Variants in GRK5 observed in about 807,000 individuals in gnomAD.
The protein encoded by GRK5 is G protein-coupled receptor kinase 5, also known as g protein-coupled receptor kinase GRK5.
GRK5 carries 40 observed loss-of-function variants against 78.4 expected under a neutral mutation model. That is an observed-to-expected ratio of 0.51 (90% CI 0.40 to 0.66). The LOEUF is 0.66. GRK5 is among the 30% of genes least tolerant of loss of function. GRK5 has a pLI of 0.00. For missense variants in GRK5, 598 were observed against 759.9 expected, an observed-to-expected ratio of 0.79 and a Z score of 2.50; for synonymous variants, 289 against 296.8, an observed-to-expected ratio of 0.97 and a Z score of 0.27.
chr10:119,274,076 A>C (rs1052125369), intron 1 of GRK5, among the ~76,000 whole-genome samples: 2 of 152,112 alleles, frequency 1.3e-5, no homozygotes, highest in Non-Finnish European at 2.9e-5. Context: ...AGCTCATTAG[A>C]GCTGGGTTTG....
chr10:119,448,902 T>C (rs139826732), intron 13 of GRK5, among the ~76,000 whole-genome samples: 1 of 152,156 alleles, frequency 6.6e-6, no homozygotes, highest in East Asian at 1.9e-4. Flanking sequence ...GCCCAAGAGA[T>C]GCAGACCAGG....
chr10:119,392,647 G>T (rs192422870), intron 3 of GRK5, among the ~76,000 whole-genome samples: 1 of 152,094 alleles, frequency 6.6e-6, no homozygotes, highest in South Asian at 2.1e-4. Context: ...CAGGTGATCC[G>T]CCCGCCTCGG....
intron 1 of GRK5, 100 bp downstream of exon 1, chr10:119,208,069 C>T: frequency 1.8e-6 from 2 of 1,125,074 alleles, no homozygotes; most frequent in Non-Finnish European, 2.5e-6. Flanking sequence ...GCAGGATGCC[C>T]GCTGCCGGCG....
Position 119,412,095 on chromosome 10 carries a change from C to G in GRK5, c.340-11071C>G, listed in dbSNP as rs1197361219. On this transcript the variant is annotated intron_variant, in intron 4 of 15. Coordinates refer to ENST00000392870, the MANE Select transcript of GRK5 (RefSeq NM_005308.3). The surrounding 1 kb of genome is among the most constrained non-coding windows in gnomAD (Gnocchi z 4.3). The stretch of plus-strand genomic sequence containing the variant: ...CGAACTCCTGACCTCAGGTGATCCA[C>G]CTCCCTCGGCCTCCCAAAGTGCTGG... Among the ~76,000 whole-genome samples the G allele has an allele frequency of 6.6e-6, 1 of 152,100 alleles. No homozygotes were observed. Among genetic ancestry groups the G allele is most frequent in the Non-Finnish European group, 1.5e-5 (1 of 68,000 alleles).
At chr10:119,418,546 G>T (rs533884314) in intron 4 of GRK5, among the ~76,000 whole-genome samples, 32 of 152,234 alleles carry the variant, frequency 2.1e-4, no homozygotes, top group Non-Finnish European at 4.4e-4. Context: ...CCTGCTCAGG[G>T]ATAGCTGGGT....
At chr10:119,276,651 T>G (rs1048149760) in intron 1 of GRK5, among the ~76,000 whole-genome samples, 13 of 152,358 alleles carry the variant, frequency 8.5e-5, no homozygotes, top group African/African-American at 3.1e-4. Context: ...GTATTTCTAG[T>G]TCTAGATCCC....
intron 3 of GRK5, among the ~76,000 whole-genome samples, chr10:119,383,483 G>A (rs1481807489): frequency 6.6e-6 from 1 of 152,206 alleles, no homozygotes; most frequent in Non-Finnish European, 1.5e-5. Flanking sequence ...GCCAACAGAG[G>A]CACTTCCTTT....
intron 1 of GRK5, among the ~76,000 whole-genome samples, chr10:119,316,645 A>T (rs914057356): frequency 6.6e-6 from 1 of 152,224 alleles, no homozygotes; most frequent in African/African-American, 2.4e-5. Flanking sequence ...TTGCAAAAAG[A>T]TACCCAAACC....
At chr10:119,226,547 CTT>C (rs869156632) in intron 1 of GRK5, among the ~76,000 whole-genome samples, 25 of 124,976 alleles carry the variant, frequency 2.0e-4, no homozygotes, top group Admixed American at 2.5e-4. Flanking sequence ...GTCTCTGTAT[CTT>C]TTTTTTTTTT....
At chr10:119,367,278 A>C (rs1275277203) in intron 2 of GRK5, among the ~76,000 whole-genome samples, 1 of 152,146 alleles carries the variant, frequency 6.6e-6, no homozygotes, top group Non-Finnish European at 1.5e-5. Flanking sequence ...TGCTGAAGCA[A>C]TGTGCCTCTC....
intron 1 of GRK5, among the ~76,000 whole-genome samples, chr10:119,319,407 T>C (rs780508185): frequency 1.7e-4 from 26 of 152,256 alleles, no homozygotes; most frequent in Non-Finnish European, 2.9e-4. Context: ...CTTGGTCCTC[T>C]GGTGCCTTCC....
chr10:119,388,336 TTTG>T (rs974037986), intron 3 of GRK5, among the ~76,000 whole-genome samples: 5 of 151,916 alleles, frequency 3.3e-5, no homozygotes, highest in Non-Finnish European at 7.4e-5. Context: ...CTTTGGGTTT[TTTG>T]TTGTTGTTCT....
intron 2 of GRK5, among the ~76,000 whole-genome samples, chr10:119,347,202 C>T (rs1166315980): frequency 6.6e-6 from 1 of 152,124 alleles, no homozygotes; most frequent in Non-Finnish European, 1.5e-5. Flanking sequence ...TCATGAAACA[C>T]CACAGTATTT....
chr10:119,338,970 G>A (rs1335022918), intron 2 of GRK5, among the ~76,000 whole-genome samples: 1 of 152,046 alleles, frequency 6.6e-6, no homozygotes, highest in Non-Finnish European at 1.5e-5. Flanking sequence ...TTGATCTATG[G>A]CTCAAAGTAA....
chr10:119,389,735 T>A (rs1362582339), intron 3 of GRK5, among the ~76,000 whole-genome samples: 1 of 152,038 alleles, frequency 6.6e-6, no homozygotes, highest in African/African-American at 2.4e-5. Context: ...ATAAAAACCC[T>A]GGGAACTGTG....
At chr10:119,355,780 C>CACAACA (rs143956516) in intron 2 of GRK5, among the ~76,000 whole-genome samples, 1 of 151,426 alleles carries the variant, frequency 6.6e-6, no homozygotes, top group South Asian at 2.1e-4. Flanking sequence ...AAGACTCTAT[C>CACAACA]ACAACAACAA....
chr10:119,261,651 C>T (rs577790183), intron 1 of GRK5, among the ~76,000 whole-genome samples: 60 of 152,400 alleles, frequency 3.9e-4, no homozygotes, highest in African/African-American at 1.3e-3. Context: ...AATCCCGGCA[C>T]CTCGGGAGGC....
intron 2 of GRK5, among the ~76,000 whole-genome samples, chr10:119,363,662 C>G (rs557952153): frequency 6.6e-6 from 1 of 152,174 alleles, no homozygotes; most frequent in Non-Finnish European, 1.5e-5. Flanking sequence ...CAAGATGGTG[C>G]CCACTGTGTT....
chr10:119,334,206 G>T (rs530901621), intron 2 of GRK5, among the ~76,000 whole-genome samples: 1 of 152,202 alleles, frequency 6.6e-6, no homozygotes, highest in Non-Finnish European at 1.5e-5. Context: ...TTTGAGGGGC[G>T]GAGGCAGGAG....
Sources: gnomAD v4.1 joint callset for allele counts (sites outside exome capture counted in the v4.1 genomes callset) on GRCh38, gnomAD v4.1.1 for gene constraint, Gnocchi (gnomAD v3.1) non-coding constraint, MANE v1.5 for transcripts, NCBI Gene and HGNC (gene_info 2026-07-23, HGNC 2026-07-21) for gene names.